Variants in PCDH11X observed in about 807,000 individuals in gnomAD.
PCDH11X encodes the protein protocadherin 11 X-linked.
In PCDH11X, 18 loss-of-function variants were observed where a neutral mutation model predicts 53.3. The ratio of observed to expected loss-of-function variants is 0.34; its 90% CI spans 0.23 to 0.50. The LOEUF (loss-of-function observed/expected upper bound fraction) is 0.50. PCDH11X is among the 20% of genes least tolerant of loss of function. PCDH11X has a pLI of 0.98. For synonymous variants in PCDH11X, 279 were observed against 393.3 expected (o/e 0.71, Z 3.44); for missense variants, 570 against 1,032.4 (o/e 0.55, Z 6.14).
At chrX:92,552,724 T>G (rs1466464423) in intron 10 of PCDH11X, among the ~76,000 whole-genome samples, 1 of 111,048 alleles carries the variant, frequency 9.0e-6, no homozygotes, top group Non-Finnish European at 1.9e-5. Context: ...CCCATTTCTT[T>G]GAGGGTTTTT....
intron 6 of PCDH11X, among the ~76,000 whole-genome samples, chrX:92,101,070 A>G (rs1348854961): frequency 8.9e-6 from 1 of 111,859 alleles, no homozygotes; most frequent in African/African-American, 3.3e-5. Context: ...TAGTCCTGCC[A>G]GCAAAGATTA....
intron 6 of PCDH11X, among the ~76,000 whole-genome samples, chrX:92,168,538 A>G (rs1416472548): frequency 9.0e-6 from 1 of 110,649 alleles, no homozygotes; most frequent in African/African-American, 3.3e-5. Context: ...TGCCTCAAAA[A>G]AAAAAACCCA....
intron 10 of PCDH11X, among the ~76,000 whole-genome samples, chrX:92,481,608 G>A (rs1014045077): frequency 1.8e-5 from 2 of 110,823 alleles, no homozygotes; most frequent in Admixed American, 9.6e-5. Context: ...CAAGGGGTGC[G>A]CAGGTTGGAC....
chrX:92,301,054 G>C (rs1437728750), intron 8 of PCDH11X, among the ~76,000 whole-genome samples: 1 of 110,600 alleles, frequency 9.0e-6, no homozygotes, highest in African/African-American at 3.3e-5. Flanking sequence ...ATGAGAGTGT[G>C]GCTGTGGGCA....
At chrX:92,003,477 T>A (rs776174045) in intron 6 of PCDH11X, among the ~76,000 whole-genome samples, 1 of 109,853 alleles carries the variant, frequency 9.1e-6, no homozygotes, top group East Asian at 2.9e-4. Flanking sequence ...AAATGTTTGG[T>A]TGCATTCAGC....
chrX:92,163,525 T>C (rs1202918480), intron 6 of PCDH11X, among the ~76,000 whole-genome samples: 1 of 110,972 alleles, frequency 9.0e-6, no homozygotes, highest in Non-Finnish European at 1.9e-5. Flanking sequence ...CTGCTTCCTC[T>C]ACCCCTGTAT....
intron 8 of PCDH11X, among the ~76,000 whole-genome samples, chrX:92,339,483 G>T (rs764916401): frequency 1.1e-4 from 12 of 111,374 alleles, no homozygotes; most frequent in Middle Eastern, 4.6e-3. Context: ...TTGGCTTATG[G>T]TTCCTCTGGA....
intron 6 of PCDH11X, among the ~76,000 whole-genome samples, chrX:91,974,660 T>A (rs1158288773): frequency 9.1e-6 from 1 of 109,695 alleles, no homozygotes; most frequent in African/African-American, 3.3e-5. Context: ...AAAGGCCTTA[T>A]AAGAAGCTAC....
At chrX:92,013,532 C>G (rs924411569) in intron 6 of PCDH11X, among the ~76,000 whole-genome samples, 10 of 111,724 alleles carry the variant, frequency 9.0e-5, no homozygotes, top group African/African-American at 3.3e-4. Context: ...GAAAAAACTA[C>G]TTTAAAGTTC....
intron 8 of PCDH11X, among the ~76,000 whole-genome samples, chrX:92,273,895 C>A (rs4638031): frequency 0.033 from 3,621 of 110,543 alleles, 114 homozygotes; most frequent in East Asian, 0.26. Context: ...GTCCTGCCAG[C>A]AAAGATTACT....
intron 9 of PCDH11X, among the ~76,000 whole-genome samples, chrX:92,411,967 G>GGA (rs2071675364): frequency 3.7e-4 from 15 of 40,203 alleles, no homozygotes; most frequent in African/African-American, 1.2e-3. Flanking sequence ...GGAGGAGGAG[G>GGA]AGGGAAGAAG....
intron 10 of PCDH11X, among the ~76,000 whole-genome samples, chrX:92,483,944 C>A (rs1047629432): frequency 3.7e-5 from 4 of 107,969 alleles, no homozygotes; most frequent in Non-Finnish European, 7.6e-5. Flanking sequence ...AATCCCACTA[C>A]TGGGTATCTA....
chrX:92,139,841 G>A (rs2065149475), intron 6 of PCDH11X, among the ~76,000 whole-genome samples: 1 of 110,790 alleles, frequency 9.0e-6, no homozygotes, highest in Admixed American at 9.7e-5. Flanking sequence ...CTATTATAGT[G>A]CCTGGGATCT....
chrX:91,954,837 T>C (rs2061688615), intron 6 of PCDH11X, among the ~76,000 whole-genome samples: 1 of 110,137 alleles, frequency 9.1e-6, no homozygotes, highest in African/African-American at 3.4e-5. Flanking sequence ...TTTGTTTAAG[T>C]TCCTTGTAGA....
intron 10 of PCDH11X, among the ~76,000 whole-genome samples, chrX:92,580,248 ACCCTGGATG>A (rs1224050763): frequency 6.5e-5 from 7 of 108,150 alleles, no homozygotes; most frequent in Non-Finnish European, 1.3e-4. Flanking sequence ...TCAACAAAGT[ACCCTGGATG>A]CCCCTTGGCC....
intron 6 of PCDH11X, among the ~76,000 whole-genome samples, chrX:92,143,066 C>A (rs1215821265): frequency 9.0e-6 from 1 of 111,091 alleles, no homozygotes; most frequent in East Asian, 2.8e-4. Flanking sequence ...TGCTTTGGCC[C>A]AGAAGTTTGA....
At chrX:91,799,573 AT>A (rs1225794345) in intron 1 of PCDH11X, among the ~76,000 whole-genome samples, 1 of 112,333 alleles carries the variant, frequency 8.9e-6, no homozygotes, top group African/African-American at 3.2e-5. Context: ...TGAAATAAAA[AT>A]AATGACTCTT....
chrX:91,896,238 C>T (rs1286461298), intron 6 of PCDH11X, among the ~76,000 whole-genome samples: 1 of 110,452 alleles, frequency 9.1e-6, no homozygotes, highest in Non-Finnish European at 1.9e-5. Context: ...GATTCTCCCA[C>T]TTCAGCCTCC....
chrX:92,190,265 T>C (rs758084388), intron 6 of PCDH11X, among the ~76,000 whole-genome samples: 44 of 111,237 alleles, frequency 4.0e-4, no homozygotes, highest in African/African-American at 1.4e-3. Context: ...AGGGATCTAG[T>C]TCCAATTTTC....
Sources: gnomAD v4.1 joint callset for allele counts (sites outside exome capture counted in the v4.1 genomes callset) on GRCh38, gnomAD v4.1.1 for gene constraint, MANE v1.5 for transcripts, NCBI Gene and HGNC (gene_info 2026-07-23, HGNC 2026-07-21) for gene names.